Variants in GAK observed in about 807,000 individuals in gnomAD.
GAK encodes the protein cyclin-G-associated kinase.
GAK carries 79 observed loss-of-function variants against 143.9 expected under a neutral mutation model. The ratio of observed to expected loss-of-function variants is 0.55; its 90% CI spans 0.46 to 0.66. The LOEUF (loss-of-function observed/expected upper bound fraction) is 0.66, where lower values mean the gene tolerates loss of function less well. GAK is among the 30% of genes least tolerant of loss of function. The pLI is 0.00. For missense variants in GAK, 1,693 were observed against 1,779.7 expected, an observed-to-expected ratio of 0.95 and a Z score of 0.88; for synonymous variants, 881 against 765.5, an observed-to-expected ratio of 1.15 and a Z score of -2.49.
intron 5 of GAK, among the ~76,000 whole-genome samples, chr4:900,815 AGAAG>A (rs753245854): frequency 5.0e-4 from 76 of 152,338 alleles, no homozygotes; most frequent in Admixed American, 8.5e-4. Flanking sequence ...AAGAAGAAAC[AGAAG>A]GAAGAGAGGG....
intron 4 of GAK, among the ~76,000 whole-genome samples, chr4:908,204 T>C (rs1277174557): frequency 6.6e-6 from 1 of 152,190 alleles, no homozygotes; most frequent in East Asian, 1.9e-4. Context: ...GTCTGGCCTT[T>C]ATCCAAGTTA....
At chr4:880,343 T>C (rs1714840223) in intron 15 of GAK, among the ~76,000 whole-genome samples, 1 of 152,274 alleles carries the variant, frequency 6.6e-6, no homozygotes, top group Non-Finnish European at 1.5e-5. Context: ...CCGTGCACTC[T>C]GCATGAGCGT....
At chr4:920,539 A>ATTTTTTTTTTTT (rs34176109) in intron 1 of GAK, among the ~76,000 whole-genome samples, 45 of 129,570 alleles carry the variant, frequency 3.5e-4, no homozygotes, top group Non-Finnish European at 5.1e-4. Context: ...GTTTAGAGCC[A>ATTTTTTTTTTTT]TTTTTTTTTT....
Position 859,621 on chromosome 4 carries a change from T to C in GAK, c.3268A>G (p.Ser1090Gly). 1 of 1,598,792 alleles carries C rather than the reference T, an allele frequency of 6.3e-7. No individual in the cohort carries two copies. The highest frequency in any genetic ancestry group is 8.6e-7 in the Non-Finnish European group (1 of 1,167,212). Residue 1090 changes from serine to glycine, a missense_variant, in exon 24 of 28, where the codon AGC becomes GGC. Transcript: ENST00000314167. ...PDPFADLGDL[S>G]SGLQGSPAGF... Reference sequence around the variant, plus strand: ...TCCACGTTACCTTGGAGGCCGGAGCTGAGGTCGCCAAGGTCAGCAAATGGG... The same window carrying C: ...TCCACGTTACCTTGGAGGCCGGAGCCGAGGTCGCCAAGGTCAGCAAATGGG...
intron 3 of GAK, chr4:912,216 C>T (rs946554606): frequency 2.2e-6 from 1 of 451,284 alleles, no homozygotes; most frequent in Non-Finnish European, 4.5e-6. Flanking sequence ...GCAGCCAGGG[C>T]CGAAGACTCC....
chr4:911,854 A>G (rs1722099500), intron 3 of GAK, 67 bp from the exon 4 acceptor site: 5 of 1,184,300 alleles, frequency 4.2e-6, no homozygotes, highest in Non-Finnish European at 6.3e-6. Flanking sequence ...TTCAAAATAA[A>G]TGTAGACAAT....
rs139662779 is a variant in GAK, at chr4:849,508, C to T, written c.*165G>A. On this transcript the variant is annotated 3_prime_UTR_variant, in exon 28 of 28. Coordinates refer to ENST00000314167, the MANE Select transcript of GAK (RefSeq NM_005255.4). ...AACAACAATCAGAGGCTTTGGAATG[C>T]TTTCTCTTCATGTGCCTGGAACGCT... 410 of 599,214 alleles carry T rather than the reference C, an allele frequency of 6.8e-4. No individual in the cohort carries two copies. The highest frequency in any genetic ancestry group is 6.3e-3 in the African/African-American group (339 of 53,814). The allele number at this position is 599,214 out of a possible 1,614,324, so 37.1% of individuals were successfully genotyped here.
intron 1 of GAK, among the ~76,000 whole-genome samples, chr4:915,208 A>G (rs1344858792): frequency 5.3e-5 from 8 of 150,470 alleles, no homozygotes; most frequent in Non-Finnish European, 1.2e-4. Flanking sequence ...CCGTGCACTC[A>G]GCCCCAGCGT....
intron 23 of GAK, among the ~76,000 whole-genome samples, chr4:863,738 C>G (rs1314582434): frequency 6.6e-6 from 1 of 152,236 alleles, no homozygotes; most frequent in East Asian, 1.9e-4. Context: ...GCTTAACAGA[C>G]TATGGCCAGG....
intron 25 of GAK, 113 bp from the exon 26 acceptor site, chr4:851,197 A>G (rs1018356818): frequency 2.4e-5 from 21 of 880,438 alleles, no homozygotes; most frequent in Middle Eastern, 7.3e-4. Flanking sequence ...TCCCGGCCTC[A>G]AGCGATCCTC....
intron 7 of GAK, 46 bp from the exon 8 acceptor site, chr4:894,055 G>C (rs866009739): frequency 1.3e-6 from 2 of 1,511,866 alleles, no homozygotes; most frequent in Non-Finnish European, 1.8e-6. Flanking sequence ...GGGAGCGCAG[G>C]GGTGACGCCT....
intron 8 of GAK, 138 bp downstream of exon 8, chr4:893,736 A>C: frequency 2.0e-6 from 2 of 988,966 alleles, no homozygotes; most frequent in Non-Finnish European, 1.4e-6. Context: ...CCCCCCCCCC[A>C]GGGATGTTGT....
intron 18 of GAK, among the ~76,000 whole-genome samples, chr4:874,844 C>T (rs1713507000): frequency 6.6e-6 from 1 of 152,178 alleles, no homozygotes; most frequent in African/African-American, 2.4e-5. Context: ...TGCAGTGCCA[C>T]AGTCTCTCTC....
chr4:914,850 T>C (rs1288011808), intron 1 of GAK, among the ~76,000 whole-genome samples: 131 of 31,880 alleles, frequency 4.1e-3, no homozygotes, highest in Admixed American at 7.9e-3. Flanking sequence ...CACAGATAGC[T>C]CCAGCATGCA....
intron 23 of GAK, among the ~76,000 whole-genome samples, chr4:860,252 G>A (rs894282448): frequency 6.9e-6 from 1 of 145,152 alleles, no homozygotes; most frequent in Non-Finnish European, 1.6e-5. Flanking sequence ...GGGGGGCTGC[G>A]GTGGGAGGAT....
At chr4:875,743 G>T (rs1384333645) in intron 18 of GAK, among the ~76,000 whole-genome samples, 1 of 152,244 alleles carries the variant, frequency 6.6e-6, no homozygotes, top group Non-Finnish European at 1.5e-5. Flanking sequence ...AGGAATTCAA[G>T]ACCAGCCTGG....
intron 3 of GAK, chr4:912,516 G>GA (rs1722224040): frequency 2.0e-6 from 1 of 502,430 alleles, no homozygotes; most frequent in South Asian, 2.4e-5. Context: ...CAACACTTCT[G>GA]AATCTTCTAC....
At chr4:886,204 GCTGGAAC>G (rs938165426) in intron 11 of GAK, 1 of 152,300 alleles carries the variant, frequency 6.6e-6, no homozygotes, top group African/African-American at 2.4e-5. Flanking sequence ...GCTGCCCTCA[GCTGGAAC>G]CTGGGGGTGT....
intron 5 of GAK, among the ~76,000 whole-genome samples, chr4:903,205 G>A (rs1036035087): frequency 2.6e-5 from 4 of 152,154 alleles, no homozygotes; most frequent in African/African-American, 9.7e-5. Flanking sequence ...AAGCATCTGT[G>A]TGGCAGTGTG....
Sources: allele counts gnomAD v4.1 joint callset (sites outside exome capture counted in the v4.1 genomes callset), GRCh38; gene constraint gnomAD v4.1.1; transcripts MANE v1.5; gene names NCBI Gene and HGNC (gene_info 2026-07-23, HGNC 2026-07-21).